FBXO25: variants seen among roughly 807,000 people sequenced by gnomAD.
FBXO25 encodes F-box only protein 25.
In FBXO25, 45 loss-of-function variants were observed where a neutral mutation model predicts 51.9. The observed-to-expected ratio is 0.87, with a 90% CI of 0.68 to 1.11. The LOEUF is 1.11. FBXO25 is among the 50% of genes most tolerant of loss of function. The pLI, the probability that FBXO25 is intolerant of heterozygous loss-of-function variation, is 0.00. For missense variants in FBXO25, 507 were observed against 428.5 expected, an observed-to-expected ratio of 1.18 and a Z score of -1.62; for synonymous variants, 199 against 151.0, an observed-to-expected ratio of 1.32 and a Z score of -2.33.
chr8:408,075 G>T (rs1321026284), intron 1 of FBXO25, among the ~76,000 whole-genome samples: 5 of 152,148 alleles, frequency 3.3e-5, no homozygotes, highest in African/African-American at 9.7e-5. Flanking sequence ...TTCCCATGAG[G>T]AATCTGTGAT....
intron 5 of FBXO25, among the ~76,000 whole-genome samples, chr8:444,604 C>G (rs538944761): frequency 1.3e-5 from 2 of 152,146 alleles, no homozygotes; most frequent in African/African-American, 2.4e-5. Context: ...CTTTCTTTCT[C>G]TTTATCTAAT....
Position 471,438 on chromosome 8 carries a change from C to T in FBXO25, c.*2634C>T, listed in dbSNP as rs916006273. ...TTGAATACAGTTTCTATCAGGGGGC[C>T]TTCCAAAAGTAGGGATGCCACTCCT... On this transcript the variant is annotated 3_prime_UTR_variant, in exon 10 of 10. Coordinates refer to ENST00000350302, the MANE Select transcript of FBXO25 (RefSeq NM_183420.2). 2.6e-5 allele frequency: 4 copies of T among 152,144 alleles called. No individual in the cohort carries two copies. Among genetic ancestry groups the T allele is most frequent in the African/African-American group, 7.2e-5 (3 of 41,426 alleles). The allele number at this position is 152,144 out of a possible 1,614,324, so 9.4% of individuals were successfully genotyped here.
intron 4 of FBXO25, chr8:435,412 G>A (rs1033117666): frequency 8.8e-6 from 5 of 565,002 alleles, no homozygotes; most frequent in Non-Finnish European, 9.3e-6. Flanking sequence ...GTCAGTTAAC[G>A]GTGTCTCAGG....
intron 2 of FBXO25, among the ~76,000 whole-genome samples, chr8:414,749 AT>A (rs1293146128): frequency 6.6e-6 from 1 of 152,194 alleles, no homozygotes; most frequent in East Asian, 1.9e-4. Context: ...TAACACAAGC[AT>A]CCCTGCGCAA....
In FBXO25 at chr8:475,696, T is replaced by C. The variant is rs922624395; in HGVS notation, c.*6892T>C. ...ACTATTATAATGGAATTTTCTTAAA[T>C]TTCCTTTTGAGATTGCTTGTTATTG... On this transcript the variant is annotated 3_prime_UTR_variant, in exon 10 of 10. Transcript: ENST00000350302. 3.9e-5 allele frequency: 6 copies of C among 152,342 alleles called. No homozygotes were observed. Among genetic ancestry groups the C allele is most frequent in the African/African-American group, 1.4e-4 (6 of 41,596 alleles). The allele number at this position is 152,342 out of a possible 1,614,324, so 9.4% of individuals were successfully genotyped here.
chr8:463,695 A>G (rs757825622), intron 9 of FBXO25, among the ~76,000 whole-genome samples: 1 of 152,264 alleles, frequency 6.6e-6, no homozygotes, highest in Non-Finnish European at 1.5e-5. Context: ...TAACAAGACT[A>G]TCGTTACTTA....
At position 470,493 on chromosome 8, in the gene FBXO25, C is replaced by A. The variant is rs1458541367; in HGVS notation, c.*1689C>A. The A allele has an allele frequency of 6.6e-6, 1 of 152,068 alleles. No homozygotes were observed. The highest frequency in any genetic ancestry group is 2.4e-5 in the African/African-American group (1 of 41,368). 9.4% of individuals were successfully genotyped at this position (152,068 alleles called of 1,614,324 possible). A position where few individuals can be genotyped will look rare whatever the true frequency, so the allele number is the denominator to read the frequency against. On this transcript the variant is annotated 3_prime_UTR_variant, in exon 10 of 10. Coordinates refer to ENST00000350302, the MANE Select transcript of FBXO25 (RefSeq NM_183420.2). ...ACCTCACCCTCCAGTGATCCTCCCA[C>A]CTCAGCCTCCCAAGCAGTCAGGACC...
rs1190930925 is a variant in FBXO25, at chr8:476,320, G to A, written c.*7516G>A. The A allele has an allele frequency of 6.7e-6, 1 of 148,918 alleles. No individual in the cohort carries two copies. The highest frequency in any genetic ancestry group is 1.5e-5 in the Non-Finnish European group (1 of 67,460). 9.2% of individuals were successfully genotyped at this position (148,918 alleles called of 1,614,324 possible). A position where few individuals can be genotyped will look rare whatever the true frequency, so the allele number is the denominator to read the frequency against. On this transcript the variant is annotated 3_prime_UTR_variant, in exon 10 of 10. Transcript: ENST00000350302. ...AAATCTTGATCAGGAATACTGATGT[G>A]TGGTGTTTTTTTCTTATAGTGTCTT...
intron 5 of FBXO25, among the ~76,000 whole-genome samples, chr8:443,240 A>G (rs1211607013): frequency 2.6e-5 from 4 of 151,168 alleles, no homozygotes; most frequent in Admixed American, 2.0e-4. Context: ...CATGCCAAAA[A>G]AAGTTTGTCC....
chr8:475,904 T>A lies in FBXO25; in HGVS notation c.*7100T>A, dbSNP rs1176563851. 1 of 152,226 alleles carries A rather than the reference T, an allele frequency of 6.6e-6. No homozygotes were observed. The highest frequency in any genetic ancestry group is 1.5e-5 in the Non-Finnish European group (1 of 68,030). The allele number at this position is 152,226 out of a possible 1,614,324, so 9.4% of individuals were successfully genotyped here. On this transcript the variant is annotated 3_prime_UTR_variant, in exon 10 of 10. Coordinates refer to ENST00000350302, the MANE Select transcript of FBXO25 (RefSeq NM_183420.2). ...TTATTTCTTTTTCTTGCCTAACTGCTCTAAGACTCCAGTACTGTGTTAAAC... is the reference window on the plus strand; with the variant it reads ...TTATTTCTTTTTCTTGCCTAACTGCACTAAGACTCCAGTACTGTGTTAAAC...
intron 1 of FBXO25, among the ~76,000 whole-genome samples, chr8:410,851 A>G (rs952869790): frequency 6.6e-6 from 1 of 152,212 alleles, no homozygotes; most frequent in African/African-American, 2.4e-5. Context: ...CAGTTTAGCA[A>G]GGTTTGAGAT....
chr8:464,440 T>C (rs1422409300), intron 9 of FBXO25, among the ~76,000 whole-genome samples: 3 of 152,056 alleles, frequency 2.0e-5, no homozygotes, highest in Non-Finnish European at 2.9e-5. Context: ...GCGGAGGGAG[T>C]CCTCTGACTG....
At position 477,091 on chromosome 8, in the gene FBXO25, T is replaced by G. The variant is rs1171763524; in HGVS notation, c.*8287T>G. ...TTTAATTTTCACATAATTGTGTACTTTTCAGTTTTTTGTCTGTTACTGATT... is the reference window on the plus strand; with the variant it reads ...TTTAATTTTCACATAATTGTGTACTGTTCAGTTTTTTGTCTGTTACTGATT... On this transcript the variant is annotated 3_prime_UTR_variant, in exon 10 of 10. Coordinates refer to ENST00000350302, the MANE Select transcript of FBXO25 (RefSeq NM_183420.2). 6.6e-6 allele frequency: 1 copy of G among 152,022 alleles called. No individual in the cohort carries two copies. Among genetic ancestry groups the G allele is most frequent in the Non-Finnish European group, 1.5e-5 (1 of 68,050 alleles). 9.4% of individuals were successfully genotyped at this position (152,022 alleles called of 1,614,324 possible).
At chr8:409,348 A>T (rs1796354852) in intron 1 of FBXO25, among the ~76,000 whole-genome samples, 1 of 152,220 alleles carries the variant, frequency 6.6e-6, no homozygotes, top group South Asian at 2.1e-4. Flanking sequence ...TGTTGAAAAT[A>T]AGCCTTTGGG....
chr8:476,947 C>T lies in FBXO25; in HGVS notation c.*8143C>T, dbSNP rs1008446298. The T allele has an allele frequency of 6.6e-6, 1 of 152,012 alleles. No individual in the cohort carries two copies. The highest frequency in any genetic ancestry group is 2.4e-5 in the African/African-American group (1 of 41,320). 9.4% of individuals were successfully genotyped at this position (152,012 alleles called of 1,614,324 possible). On this transcript the variant is annotated 3_prime_UTR_variant, in exon 10 of 10. Coordinates refer to ENST00000350302, the MANE Select transcript of FBXO25 (RefSeq NM_183420.2). Reference sequence around the variant, plus strand: ...TAGGTGTATTTACAGTTACAAATTTCCCTCCTACCACTGCTTTGACTGTAC... The same window carrying T: ...TAGGTGTATTTACAGTTACAAATTTTCCTCCTACCACTGCTTTGACTGTAC...
rs1800647385 is a variant in FBXO25 at position 476,474 on chromosome 8, A to G, written c.*7670A>G. The G allele has an allele frequency of 6.6e-6, 1 of 152,172 alleles. No homozygotes were observed. The highest frequency in any genetic ancestry group is 2.4e-5 in the African/African-American group (1 of 41,434). 9.4% of individuals were successfully genotyped at this position (152,172 alleles called of 1,614,324 possible). Reference sequence around the variant, plus strand: ...TCTTCAGATGTTTGCCAGAATTCCCATATGACCCTGGGCTTTTCTTTCTTG... The same window carrying G: ...TCTTCAGATGTTTGCCAGAATTCCCGTATGACCCTGGGCTTTTCTTTCTTG... On this transcript the variant is annotated 3_prime_UTR_variant, in exon 10 of 10. Coordinates refer to ENST00000350302, the MANE Select transcript of FBXO25 (RefSeq NM_183420.2).
chr8:462,280 T>A (rs1053212583), intron 8 of FBXO25, among the ~76,000 whole-genome samples: 2 of 152,266 alleles, frequency 1.3e-5, no homozygotes, highest in African/African-American at 4.8e-5. Context: ...CTGAGACTTA[T>A]TTAGATAAAT....
chr8:414,824 C>T (rs1368266867), intron 2 of FBXO25, among the ~76,000 whole-genome samples: 2 of 152,204 alleles, frequency 1.3e-5, no homozygotes, highest in Non-Finnish European at 2.9e-5. Flanking sequence ...AACTAGTCAG[C>T]ACCACCTTTT....
chr8:447,057 G>A (rs367782897), intron 5 of FBXO25, among the ~76,000 whole-genome samples: 6 of 152,342 alleles, frequency 3.9e-5, no homozygotes, highest in East Asian at 3.9e-4. Flanking sequence ...GAAGGGCTTA[G>A]GCTAACAAAA....
Sources: allele counts gnomAD v4.1 joint callset (sites outside exome capture counted in the v4.1 genomes callset), GRCh38; gene constraint gnomAD v4.1.1; transcripts MANE v1.5; gene names NCBI Gene and HGNC (gene_info 2026-07-23, HGNC 2026-07-21).